NXPH1: variants seen among roughly 807,000 people sequenced by gnomAD.
NXPH1 encodes neurexophilin 1.
A neutral mutation model predicts 23.7 loss-of-function variants in NXPH1; 5 were observed. The observed-to-expected ratio is 0.21, with a 90% confidence interval of 0.11 to 0.44. NXPH1 has a LOEUF of 0.44. Among genes scored for constraint, NXPH1 ranks in the 20% least tolerant of loss-of-function variants. NXPH1 has a pLI of 0.99. For synonymous variants in NXPH1, 144 were observed against 122.2 expected (o/e 1.18, Z -1.18); for missense variants, 324 against 321.6 (o/e 1.01, Z -0.06).
chr7:8,542,831 A>G (rs1818141314), intron 2 of NXPH1, among the ~76,000 whole-genome samples: 1 of 151,590 alleles, frequency 6.6e-6, no homozygotes, highest in Non-Finnish European at 1.5e-5. Context: ...GTACAAGTTT[A>G]CACAGGCAAA....
At chr7:8,492,943 G>T (rs1043745366) in intron 2 of NXPH1, among the ~76,000 whole-genome samples, 3 of 151,936 alleles carry the variant, frequency 2.0e-5, no homozygotes, top group Non-Finnish European at 4.4e-5. Flanking sequence ...AGAAGGAAAG[G>T]CCTTTTCTTT....
At chr7:8,622,462 C>G (rs979046876) in intron 2 of NXPH1, among the ~76,000 whole-genome samples, 8 of 152,112 alleles carry the variant, frequency 5.3e-5, no homozygotes, top group Non-Finnish European at 7.4e-5. Context: ...ACATATGAAA[C>G]TTGGCATTTT....
chr7:8,648,294 C>A (rs1313262219), intron 2 of NXPH1, among the ~76,000 whole-genome samples: 3 of 152,104 alleles, frequency 2.0e-5, no homozygotes, highest in Non-Finnish European at 2.9e-5. Flanking sequence ...TAACCACTCC[C>A]ACCTACACCC....
intron 2 of NXPH1, among the ~76,000 whole-genome samples, chr7:8,489,056 C>T (rs1305074178): frequency 2.0e-5 from 3 of 152,064 alleles, no homozygotes; most frequent in African/African-American, 4.8e-5. Context: ...CAAATCATCA[C>T]GTATGGGGCT....
At chr7:8,480,767 C>T (rs1397829635) in intron 2 of NXPH1, among the ~76,000 whole-genome samples, 1 of 152,112 alleles carries the variant, frequency 6.6e-6, no homozygotes, top group African/African-American at 2.4e-5. Flanking sequence ...AATGAGTCAC[C>T]AAGATTTGTA....
chr7:8,601,036 G>A (rs955324684), intron 2 of NXPH1, among the ~76,000 whole-genome samples: 5 of 151,854 alleles, frequency 3.3e-5, no homozygotes, highest in African/African-American at 9.7e-5. Context: ...GTATATGGAA[G>A]GATATGCATA....
intron 2 of NXPH1, among the ~76,000 whole-genome samples, chr7:8,570,418 ACTTAC>A (rs528718592): frequency 4.7e-4 from 71 of 152,118 alleles, no homozygotes; most frequent in African/African-American, 1.4e-3. Context: ...ATAGAATAGT[ACTTAC>A]CTTATAGGAT....
rs1819338323 is a variant in NXPH1 at position 8,600,637 on chromosome 7, T to G, written c.55-150371T>G. On this transcript the variant is annotated intron_variant, in intron 2 of 2. Coordinates refer to ENST00000405863, the MANE Select transcript of NXPH1 (RefSeq NM_152745.3). Reference sequence around the variant, plus strand: ...AATGTGGATTAAGTGGTATGACAACTAGTTCTAAGTCTTGAACTTTAAGCC... The same window carrying G: ...AATGTGGATTAAGTGGTATGACAACGAGTTCTAAGTCTTGAACTTTAAGCC... Among the ~76,000 whole-genome samples the G allele has an allele frequency of 2.6e-5, 4 of 152,224 alleles. No individual in the cohort carries two copies. In the South Asian group the frequency reaches 8.3e-4, roughly 31 times the overall value.
chr7:8,619,732 A>G (rs1819824741), intron 2 of NXPH1, among the ~76,000 whole-genome samples: 1 of 152,202 alleles, frequency 6.6e-6, no homozygotes, highest in South Asian at 2.1e-4. Context: ...GAGAAAAGGA[A>G]TAATTCTCTG....
intron 2 of NXPH1, among the ~76,000 whole-genome samples, chr7:8,502,135 C>T (rs73675736): frequency 0.019 from 2,959 of 152,086 alleles, 65 homozygotes; most frequent in African/African-American, 0.057. Context: ...TTAACCTCTT[C>T]TAGCTTCAGC....
chr7:8,461,795 AGT>A (rs2128606919), intron 2 of NXPH1, among the ~76,000 whole-genome samples: 2 of 137,498 alleles, frequency 1.5e-5, no homozygotes, highest in African/African-American at 2.9e-5. Context: ...GCGCCACTGC[AGT>A]CCGCAGTCCG....
intron 2 of NXPH1, among the ~76,000 whole-genome samples, chr7:8,632,326 T>C (rs1583206599): frequency 6.6e-6 from 1 of 152,206 alleles, no homozygotes; most frequent in Non-Finnish European, 1.5e-5. Flanking sequence ...TTTCTATCAA[T>C]ATTTTATACG....
intron 2 of NXPH1, among the ~76,000 whole-genome samples, chr7:8,629,722 C>T (rs17405829): frequency 0.035 from 5,370 of 152,160 alleles, 179 homozygotes; most frequent in Non-Finnish European, 0.046. Flanking sequence ...TGCAGAGCAA[C>T]GCCCAATAAT....
At chr7:8,528,653 A>C (rs1462163924) in intron 2 of NXPH1, among the ~76,000 whole-genome samples, 1 of 152,184 alleles carries the variant, frequency 6.6e-6, no homozygotes, top group East Asian at 1.9e-4. Context: ...TTTGCTACTG[A>C]CAATCATAAG....
intron 2 of NXPH1, among the ~76,000 whole-genome samples, chr7:8,465,424 G>A (rs938476741): frequency 4.3e-4 from 66 of 152,158 alleles, no homozygotes; most frequent in African/African-American, 1.5e-3. Flanking sequence ...CCCCTGAAAG[G>A]CTTCCTTTTA....
chr7:8,525,241 T>C (rs2128616421), intron 2 of NXPH1, among the ~76,000 whole-genome samples: 1 of 152,326 alleles, frequency 6.6e-6, no homozygotes, highest in East Asian at 1.9e-4. Flanking sequence ...GCCCATGCCC[T>C]AGAGATTTTT....
intron 2 of NXPH1, among the ~76,000 whole-genome samples, chr7:8,504,850 C>A (rs74818013): frequency 0.019 from 2,913 of 152,174 alleles, 88 homozygotes; most frequent in African/African-American, 0.066. Context: ...AACCAGGAAG[C>A]AGATCCTCAC....
chr7:8,536,785 C>T (rs895485540), intron 2 of NXPH1, among the ~76,000 whole-genome samples: 1 of 151,818 alleles, frequency 6.6e-6, no homozygotes, highest in Non-Finnish European at 1.5e-5. Flanking sequence ...AGGAGAGAAG[C>T]ATTCATATTT....
intron 2 of NXPH1, among the ~76,000 whole-genome samples, chr7:8,730,716 A>T (rs1314126686): frequency 6.6e-6 from 1 of 152,036 alleles, no homozygotes; most frequent in Non-Finnish European, 1.5e-5. Context: ...ATCCGCTGTT[A>T]GTCTGATGGG....
Sources: allele counts gnomAD v4.1 joint callset (sites outside exome capture counted in the v4.1 genomes callset), GRCh38; gene constraint gnomAD v4.1.1; transcripts MANE v1.5; gene names NCBI Gene and HGNC (gene_info 2026-07-23, HGNC 2026-07-21).